The following FBXL5 variants were observed in gnomAD, a reference collection of about 807,000 sequenced individuals.
FBXL5 encodes F-box and leucine rich repeat protein 5.
In FBXL5, 26 loss-of-function variants were observed where a neutral mutation model predicts 78.3. The ratio of observed to expected loss-of-function variants is 0.33; its 90% CI spans 0.24 to 0.46. The LOEUF (loss-of-function observed/expected upper bound fraction) is 0.46, where lower values mean the gene tolerates loss of function less well. Among genes scored for constraint, FBXL5 ranks in the 20% least tolerant of loss-of-function variants. The pLI is 1.00. For synonymous variants in FBXL5, 295 were observed against 282.5 expected (o/e 1.04, Z -0.45); for missense variants, 710 against 829.2 (o/e 0.86, Z 1.77).
At chr4:15,627,816 G>C in intron 7 of FBXL5, 69 bp downstream of exon 7, 2 of 1,494,264 alleles carry the variant, frequency 1.3e-6, no homozygotes, top group Non-Finnish European at 9.0e-7. Context: ...TTAAACTCAG[G>C]AATGAGCAAA....
At chr4:15,659,109 T>C (rs1054716725), upstream of FBXL5, among the ~76,000 whole-genome samples, 1 of 152,100 alleles carries the variant, frequency 6.6e-6, no homozygotes, top group African/African-American at 2.4e-5. Context: ...TGACAAAAAA[T>C]CAGAAGAATG....
chr4:15,677,386 G>C (rs549508026), intron 1 of FBXL5, among the ~76,000 whole-genome samples: 2 of 152,254 alleles, frequency 1.3e-5, no homozygotes, highest in East Asian at 3.9e-4. Flanking sequence ...TTATGCCTGA[G>C]TTTATGTTAA....
intron 1 of FBXL5, among the ~76,000 whole-genome samples, chr4:15,647,012 C>G (rs1437000563): frequency 6.6e-6 from 1 of 151,638 alleles, no homozygotes; most frequent in Non-Finnish European, 1.5e-5. Context: ...TACCTGAGGT[C>G]AGGAGTTCGA....
chr4:15,623,191 AGT>A (rs1472883066), intron 9 of FBXL5, among the ~76,000 whole-genome samples: 2 of 152,194 alleles, frequency 1.3e-5, no homozygotes, highest in East Asian at 3.8e-4. Flanking sequence ...GCTCCCTTCT[AGT>A]GTTTTCCAAA....
At chr4:15,663,789 C>A (rs1178861176), upstream of FBXL5, among the ~76,000 whole-genome samples, 2 of 152,094 alleles carry the variant, frequency 1.3e-5, no homozygotes, top group Non-Finnish European at 2.9e-5. Flanking sequence ...TTCAGTAAGT[C>A]CAAAAGTGAA....
At position 15,626,673 on chromosome 4, in the gene FBXL5, G is replaced by A. The variant is rs151319143; in HGVS notation, c.1124+200C>T. On this transcript the variant is annotated intron_variant, in intron 8 of 10. Transcript: ENST00000341285. Reference sequence around the variant, plus strand: ...GACAAAATATAGGACTACAGAGATTGCAAGATAATACAGATGGGATTTTTG... The same window carrying A: ...GACAAAATATAGGACTACAGAGATTACAAGATAATACAGATGGGATTTTTG... Among the ~76,000 whole-genome samples the A allele has an allele frequency of 2.5e-3, 380 of 152,320 alleles. 2 individuals are homozygous for A. Among genetic ancestry groups the A allele is most frequent in the African/African-American group, 8.8e-3 (365 of 41,576 alleles).
intron 5 of FBXL5, among the ~76,000 whole-genome samples, chr4:15,631,973 GTC>G: frequency 4.6e-5 from 7 of 152,286 alleles, no homozygotes; most frequent in African/African-American, 1.7e-4. Flanking sequence ...TGGTGTTTTA[GTC>G]ACAAAGTCCT....
chr4:15,611,129 AG>A (rs1722227274), intron 10 of FBXL5, among the ~76,000 whole-genome samples: 1 of 152,026 alleles, frequency 6.6e-6, no homozygotes, highest in Non-Finnish European at 1.5e-5. Flanking sequence ...TATACACAGA[AG>A]GCAACAGAAA....
chr4:15,640,890 AC>A lies in FBXL5; in HGVS notation c.301-8del. 7.2e-7 allele frequency: 1 copy of A among 1,380,572 alleles called. No individual in the cohort carries two copies. The highest frequency in any genetic ancestry group is 9.7e-7 in the Non-Finnish European group (1 of 1,035,152). 85.5% of individuals were successfully genotyped at this position (1,380,572 alleles called of 1,614,324 possible). A position where few individuals can be genotyped will look rare whatever the true frequency, so the allele number is the denominator to read the frequency against. ...TTAACTGTTCATATTCATTCTGGAA[AC>A]CAAAAAAAAAATACATTTTTATAAA... On this transcript the variant is annotated splice_region_variant and splice_polypyrimidine_tract_variant and intron_variant, in intron 2 of 10. Transcript: ENST00000341285.
chr4:15,641,569 A>C (rs1168678567), intron 2 of FBXL5: 1 of 456,402 alleles, frequency 2.2e-6, no homozygotes, highest in African/African-American at 1.9e-5. Flanking sequence ...TAATACATGA[A>C]ATAATTGTTA....
At chr4:15,644,175 T>C (rs930460662) in intron 2 of FBXL5, among the ~76,000 whole-genome samples, 2 of 152,246 alleles carry the variant, frequency 1.3e-5, no homozygotes, top group Admixed American at 6.5e-5. Context: ...AAGAATTTTA[T>C]AGTTAGTCTA....
At chr4:15,641,461 A>T (rs997659046) in intron 2 of FBXL5, 1 of 343,170 alleles carries the variant, frequency 2.9e-6, no homozygotes, top group Non-Finnish European at 5.5e-6. Context: ...CCACTTAATA[A>T]ATAGTGAATA....
chr4:15,613,960 T>C (rs1442638077), intron 9 of FBXL5, among the ~76,000 whole-genome samples: 1 of 152,222 alleles, frequency 6.6e-6, no homozygotes, highest in Non-Finnish European at 1.5e-5. Flanking sequence ...TTCTTCTTCA[T>C]TTGGATCCAC....
chr4:15,668,583 T>C lies in FBXL5; in HGVS notation c.-283-8661A>G, dbSNP rs140334516. On this transcript the variant is annotated intron_variant, in intron 1 of 4. Transcript: ENST00000507899. ...CATTCTAAAAAGAAAAAAGGAAGTA[T>C]AAAAGATTATAATGAAGATAATTTA... 5.7e-4 allele frequency among the ~76,000 whole-genome samples: 87 copies of C among 152,272 alleles called. No individual in the cohort carries two copies. In the East Asian group the frequency reaches 0.015, roughly 27 times the overall value.
chr4:15,675,034 G>GA (rs908191527), intron 1 of FBXL5, among the ~76,000 whole-genome samples: 12 of 149,420 alleles, frequency 8.0e-5, no homozygotes, highest in African/African-American at 1.5e-4. Context: ...TAGGAATCAC[G>GA]AAAAAAAAAG....
Position 15,612,427 on chromosome 4 carries a change from T to C in FBXL5, c.1851-13A>G. 6.2e-7 allele frequency: 1 copy of C among 1,600,660 alleles called. No individual in the cohort carries two copies. The highest frequency in any genetic ancestry group is 8.5e-7 in the Non-Finnish European group (1 of 1,175,024). On this transcript the variant is annotated splice_polypyrimidine_tract_variant and intron_variant, in intron 9 of 10. Coordinates refer to ENST00000341285, the MANE Select transcript of FBXL5 (RefSeq NM_012161.4). Reference sequence around the variant, plus strand: ...CAGAGTCAAAACCCTGTAAGAAAAATAATTTGACAATTAGAAGATACTAAT... The same window carrying C: ...CAGAGTCAAAACCCTGTAAGAAAAACAATTTGACAATTAGAAGATACTAAT...
chr4:15,646,723 G>C (rs1337269319), intron 1 of FBXL5, among the ~76,000 whole-genome samples: 2 of 127,332 alleles, frequency 1.6e-5, no homozygotes, highest in East Asian at 4.5e-4. Flanking sequence ...AGGCCCCGGT[G>C]TGTGATGTTC....
At chr4:15,637,895 G>GT (rs200999923) in intron 4 of FBXL5, among the ~76,000 whole-genome samples, 2,219 of 123,864 alleles carry the variant, frequency 0.018, 35 homozygotes, top group African/African-American at 0.042. Context: ...TGAGGAACTA[G>GT]TTTTTTTAAA....
chr4:15,674,587 C>T (rs1235278068), intron 1 of FBXL5, among the ~76,000 whole-genome samples: 3 of 151,662 alleles, frequency 2.0e-5, no homozygotes, highest in South Asian at 2.1e-4. Flanking sequence ...AATCATAAAA[C>T]CTTCTTTTCT....
Sources: allele counts gnomAD v4.1 joint callset (sites outside exome capture counted in the v4.1 genomes callset), GRCh38; gene constraint gnomAD v4.1.1; transcripts MANE v1.5; gene names NCBI Gene and HGNC (gene_info 2026-07-23, HGNC 2026-07-21).